NFATC2: variants seen among roughly 807,000 people sequenced by gnomAD.
NFATC2 encodes nuclear factor of activated T-cells, cytoplasmic 2.
Under a neutral mutation model 87.3 loss-of-function variants are expected in NFATC2, and 22 were observed. The ratio of observed to expected loss-of-function variants is 0.25; its 90% CI spans 0.18 to 0.36. The LOEUF (loss-of-function observed/expected upper bound fraction) is 0.36. Among genes scored for constraint, NFATC2 ranks in the 10% least tolerant of loss-of-function variants. The probability of loss-of-function intolerance (pLI) is 1.00; values close to 1 mark genes in which losing one functional copy is unlikely to be tolerated. For synonymous variants in NFATC2, 565 were observed against 542.2 expected (o/e 1.04, Z -0.58); for missense variants, 1,149 against 1,259.1 (o/e 0.91, Z 1.32).
chr20:51,542,256 C>A lies in NFATC2; in HGVS notation c.130+114G>T, dbSNP rs551910286. On this transcript the variant is annotated intron_variant, in intron 1 of 10. Transcript: ENST00000371564. ...TGGCACCTGGGTAGGGGCACCCTCC[C>A]TCCAGGCCCCTTAGGAAGGGGGACG... The A allele has an allele frequency of 6.9e-5, 94 of 1,353,860 alleles. No individual in the cohort carries two copies. In the Middle Eastern group the frequency reaches 8.4e-4, roughly 12 times the overall value. The allele number at this position is 1,353,860 out of a possible 1,614,324, so 83.9% of individuals were successfully genotyped here.
At chr20:51,483,217 A>ATCGACTCTGCTC (rs1989414402) in intron 3 of NFATC2, among the ~76,000 whole-genome samples, 1 of 152,222 alleles carries the variant, frequency 6.6e-6, no homozygotes, top group Non-Finnish European at 1.5e-5. Context: ...CGACTCTGCT[A>ATCGACTCTGCTC]TCAACTCTGC....
chr20:51,397,182 T>TC (rs796742578), intron 10 of NFATC2, among the ~76,000 whole-genome samples: 59 of 152,180 alleles, frequency 3.9e-4, no homozygotes, highest in African/African-American at 1.4e-3. Context: ...GCCCAGCCCT[T>TC]CCCCTCTGAC....
intron 1 of NFATC2, among the ~76,000 whole-genome samples, chr20:51,553,558 C>T (rs1230611317): frequency 2.6e-5 from 4 of 152,048 alleles, no homozygotes; most frequent in African/African-American, 7.2e-5. Context: ...GCCTGTAGTT[C>T]CAGCTACTCG....
At chr20:51,500,625 CACCCCTCCACCCTCACCCTCACCA>C (rs2076062410) in intron 3 of NFATC2, among the ~76,000 whole-genome samples, 1 of 135,594 alleles carries the variant, frequency 7.4e-6, no homozygotes, top group Non-Finnish European at 1.6e-5. Flanking sequence ...AGAATGCTCC[CACCCCTCCACCCTCACCCTCACCA>C]CCCCCCCCTC....
At chr20:51,473,839 T>A (rs564207336) in intron 5 of NFATC2, 141 bp downstream of exon 5, 2 of 778,742 alleles carry the variant, frequency 2.6e-6, no homozygotes, top group Non-Finnish European at 4.0e-6. Flanking sequence ...CCTCTGGTCA[T>A]CTTGGGCCAG....
intron 9 of NFATC2, 160 bp from the exon 10 acceptor site, chr20:51,398,890 G>T (rs1600654422): frequency 4.9e-6 from 3 of 612,550 alleles, no homozygotes; most frequent in Non-Finnish European, 8.7e-6. Context: ...TAGCATTTGT[G>T]CCAGAATTAA....
chr20:51,514,622 C>T (rs1242456562), intron 3 of NFATC2, among the ~76,000 whole-genome samples: 1 of 152,202 alleles, frequency 6.6e-6, no homozygotes, highest in Non-Finnish European at 1.5e-5. Flanking sequence ...CCTATAATCC[C>T]AGCACTTTGG....
In NFATC2 at chr20:51,523,244, A is replaced by T; in HGVS notation, c.997T>A (p.Ser333Thr). Residue 333 changes from serine (S) to threonine (T), a missense_variant, in exon 2 of 11, where the codon TCT becomes ACT. Ser to Thr is a moderately conservative substitution (Grantham distance 58). Transcript: ENST00000371564. The surrounding 1 kb of genome is among the most constrained non-coding windows in gnomAD (Gnocchi z 6.9). ...WKTSPDPSPV[S>T]AAPSKAGLPR... Reference sequence around the variant, plus strand: ...AGGCCGGCCTTGGATGGGGCGGCAGACACCGGCGAGGGGTCAGGGCTGGTC... The same window carrying T: ...AGGCCGGCCTTGGATGGGGCGGCAGTCACCGGCGAGGGGTCAGGGCTGGTC... 1 of 1,613,644 alleles carries T rather than the reference A, an allele frequency of 6.2e-7. No homozygotes were observed. Among genetic ancestry groups the T allele is most frequent in the Non-Finnish European group, 8.5e-7 (1 of 1,179,738 alleles).
At chr20:51,427,326 C>T (rs1053759024) in intron 9 of NFATC2, among the ~76,000 whole-genome samples, 3 of 152,160 alleles carry the variant, frequency 2.0e-5, no homozygotes, top group Non-Finnish European at 4.4e-5. Flanking sequence ...GCGCCTCTCC[C>T]GCTTGCTTGC....
At chr20:51,532,156 G>A (rs11086344) in intron 1 of NFATC2, among the ~76,000 whole-genome samples, 41,779 of 151,918 alleles carry the variant, frequency 0.28, 5,971 homozygotes, top group Admixed American at 0.36. Context: ...CGCATCTAGT[G>A]TATGTTCATA....
intron 10 of NFATC2, among the ~76,000 whole-genome samples, chr20:51,395,825 A>G (rs1030528113): frequency 8.6e-5 from 13 of 151,902 alleles, no homozygotes; most frequent in African/African-American, 2.9e-4. Flanking sequence ...CAAAATGATG[A>G]TATACCAGGG....
rs1176724930 is a variant in NFATC2, at chr20:51,562,050, T to G, written c.70+510A>C. 6.6e-6 allele frequency among the ~76,000 whole-genome samples: 1 copy of G among 151,888 alleles called. No homozygotes were observed. The highest frequency in any genetic ancestry group is 6.6e-5 in the Admixed American group (1 of 15,254). ...GGCACATCAAAAAGGGGGAAGAAAA[T>G]AGTTTAAATGTCCCAGAGCATCCGC... is the stretch of plus-strand genomic sequence containing the variant. On this transcript the variant is annotated intron_variant, in intron 1 of 10. Transcript: ENST00000414705. This position sits in a 1 kb window ranked among gnomAD's most constrained non-coding sequence, Gnocchi z 5.8.
At chr20:51,454,910 A>G (rs1986237982) in intron 5 of NFATC2, among the ~76,000 whole-genome samples, 1 of 152,152 alleles carries the variant, frequency 6.6e-6, no homozygotes, top group African/African-American at 2.4e-5. Flanking sequence ...CTAACAACAC[A>G]TTTCGTTTTC....
At chr20:51,472,452 T>C (rs545513958) in intron 5 of NFATC2, among the ~76,000 whole-genome samples, 1 of 152,060 alleles carries the variant, frequency 6.6e-6, no homozygotes, top group South Asian at 2.1e-4. Context: ...AAGTTGATAT[T>C]GTGACACCTA....
intron 2 of NFATC2, among the ~76,000 whole-genome samples, chr20:51,519,458 CAAA>C (rs34825072): frequency 6.4e-5 from 8 of 124,652 alleles, no homozygotes; most frequent in Non-Finnish European, 6.7e-5. Flanking sequence ...ACTAAAAATA[CAAA>C]AAAAAAAAAA....
intron 1 of NFATC2, among the ~76,000 whole-genome samples, chr20:51,557,151 A>T (rs919321115): frequency 6.6e-6 from 1 of 152,136 alleles, no homozygotes; most frequent in Non-Finnish European, 1.5e-5. Context: ...CTCTAAAAGG[A>T]GGGTCCTACT....
chr20:51,463,481 T>A (rs1987357339), intron 5 of NFATC2, among the ~76,000 whole-genome samples: 1 of 151,784 alleles, frequency 6.6e-6, no homozygotes, highest in South Asian at 2.1e-4. Context: ...TCAGGGAGAG[T>A]AGGAGCTGCT....
At chr20:51,469,687 A>C (rs1187017631) in intron 5 of NFATC2, among the ~76,000 whole-genome samples, 1 of 152,156 alleles carries the variant, frequency 6.6e-6, no homozygotes, top group Non-Finnish European at 1.5e-5. Flanking sequence ...AAAAAGATAC[A>C]CACAGAGACC....
Position 51,465,526 on chromosome 20 carries a change from C to T in NFATC2, c.1708+8454G>A, listed in dbSNP as rs143631476. Among the ~76,000 whole-genome samples, 495 of 152,288 alleles carry T rather than the reference C, an allele frequency of 3.3e-3. 11 individuals carry two copies. The highest frequency in any genetic ancestry group is 9.0e-4 in the Non-Finnish European group (61 of 68,030). On this transcript the variant is annotated intron_variant, in intron 5 of 10. Coordinates refer to ENST00000371564, the MANE Select transcript of NFATC2 (RefSeq NM_012340.5). ...CTCACCCCACCTATAACACTCCACA[C>T]AGTCTCCCTGGGTACCTTTCTCCTC...
Sources: allele counts gnomAD v4.1 joint callset (sites outside exome capture counted in the v4.1 genomes callset), GRCh38; gene constraint gnomAD v4.1.1; non-coding constraint Gnocchi (gnomAD v3.1); transcripts MANE v1.5; gene names NCBI Gene and HGNC (gene_info 2026-07-23, HGNC 2026-07-21).